Variants in CHD2 observed in about 807,000 individuals in gnomAD.
The protein encoded by CHD2 is chromodomain helicase DNA binding protein 2.
In CHD2, 28 loss-of-function variants were observed where a neutral mutation model predicts 243.9. That is an observed-to-expected ratio of 0.11 (90% confidence interval 0.09 to 0.16). The LOEUF (loss-of-function observed/expected upper bound fraction) is 0.16. CHD2 is among the 10% of genes least tolerant of loss of function. CHD2 has a pLI of 1.00. For synonymous variants in CHD2, 775 were observed against 779.0 expected (o/e 0.99, Z 0.09); for missense variants, 1,386 against 2,209.8 (o/e 0.63, Z 7.47).
chr15:93,020,608 C>T, intron 38 of CHD2: 3 of 459,750 alleles, frequency 6.5e-6, no homozygotes, highest in Non-Finnish European at 1.2e-5. Context: ...TACCAGCCCA[C>T]AGTCCTTACC....
At chr15:92,910,848 A>C (rs2052720049) in intron 2 of CHD2, among the ~76,000 whole-genome samples, 1 of 152,226 alleles carries the variant, frequency 6.6e-6, no homozygotes, top group Non-Finnish European at 1.5e-5. Flanking sequence ...GTATGTCGTT[A>C]GGTGATCTTG....
intron 12 of CHD2, chr15:92,946,469 G>A: frequency 3.4e-6 from 1 of 297,956 alleles, no homozygotes. Flanking sequence ...AAGGATTTAG[G>A]CACTTTTATT....
intron 28 of CHD2, among the ~76,000 whole-genome samples, chr15:92,994,270 G>A (rs1319732382): frequency 6.6e-6 from 1 of 152,190 alleles, no homozygotes; most frequent in Non-Finnish European, 1.5e-5. Flanking sequence ...AAAGGATTTG[G>A]ATAATTGAAT....
At chr15:92,918,837 A>G (rs1045423192) in intron 2 of CHD2, among the ~76,000 whole-genome samples, 2 of 151,484 alleles carry the variant, frequency 1.3e-5, no homozygotes, top group Non-Finnish European at 1.5e-5. Flanking sequence ...ATATATACAT[A>G]CACACATATA....
intron 5 of CHD2, among the ~76,000 whole-genome samples, chr15:92,932,806 G>T (rs1391359046): frequency 7.2e-6 from 1 of 138,116 alleles, no homozygotes; most frequent in African/African-American, 2.6e-5. Context: ...CGCCCAGGCT[G>T]GAGTACGATG....
intron 19 of CHD2, chr15:92,973,909 TGAGTA>T (rs1161002386): frequency 1.3e-5 from 2 of 152,206 alleles, no homozygotes; most frequent in African/African-American, 2.4e-5. Context: ...TTTAAGGCTC[TGAGTA>T]GAGTAGTCAG....
intron 38 of CHD2, among the ~76,000 whole-genome samples, chr15:93,023,679 G>GTTTT (rs150306581): frequency 7.0e-6 from 1 of 143,438 alleles, no homozygotes; most frequent in African/African-American, 2.5e-5. Flanking sequence ...TTTTTTTTTT[G>GTTTT]TGTTTTTTTT....
intron 2 of CHD2, chr15:92,904,463 C>G: frequency 1.0e-6 from 1 of 989,356 alleles, no homozygotes; most frequent in Non-Finnish European, 1.2e-6. Flanking sequence ...GCTTTCTCCT[C>G]CCCCTACCCA....
At chr15:92,913,945 T>C (rs545508531) in intron 2 of CHD2, among the ~76,000 whole-genome samples, 3 of 152,338 alleles carry the variant, frequency 2.0e-5, no homozygotes, top group Admixed American at 6.5e-5. Flanking sequence ...CGGTTTCTTC[T>C]CTGGCCTGAT....
intron 2 of CHD2, among the ~76,000 whole-genome samples, chr15:92,909,976 A>G (rs1486551468): frequency 4.0e-5 from 6 of 150,066 alleles, no homozygotes; most frequent in African/African-American, 9.8e-5. Context: ...GTGTATGTAT[A>G]TATGTATATA....
chr15:92,989,423 T>G (rs2141857205), intron 26 of CHD2, among the ~76,000 whole-genome samples: 1 of 152,296 alleles, frequency 6.6e-6, no homozygotes, highest in African/African-American at 2.4e-5. Flanking sequence ...AGATCTCCCC[T>G]CCCAGCCATG....
At chr15:92,919,047 G>A (rs2052901011) in intron 2 of CHD2, among the ~76,000 whole-genome samples, 1 of 152,076 alleles carries the variant, frequency 6.6e-6, no homozygotes, top group Non-Finnish European at 1.5e-5. Flanking sequence ...GTACAGGCTG[G>A]GTTTCACCGT....
At position 92,971,931 on chromosome 15, in the gene CHD2, G is replaced by C. The variant is rs1173333743; in HGVS notation, c.2352+4G>C. 8 of 1,600,902 alleles carry C rather than the reference G, an allele frequency of 5.0e-6. No homozygotes were observed. Among genetic ancestry groups the C allele is most frequent in the African/African-American group, 1.4e-5 (1 of 73,920 alleles). ...AAATGGACAGGAGATTCTTCTGGTA[G>C]GTAGTTCCTCATAATTACTTTCTCA... On this transcript the variant is annotated splice_donor_region_variant and intron_variant, in intron 18 of 38. Coordinates refer to ENST00000394196, the MANE Select transcript of CHD2 (RefSeq NM_001271.4).
intron 35 of CHD2, among the ~76,000 whole-genome samples, chr15:93,010,462 A>G (rs11074125): frequency 0.37 from 55,194 of 147,800 alleles, 11,037 homozygotes; most frequent in East Asian, 0.82. Flanking sequence ...CTTTCACTCT[A>G]TCGCCCAGGC....
At chr15:92,973,681 C>G (rs10520717) in intron 19 of CHD2, among the ~76,000 whole-genome samples, 26,090 of 152,228 alleles carry the variant, frequency 0.17, 2,956 homozygotes, top group Non-Finnish European at 0.25. Context: ...AGTCACTTCT[C>G]TGTCAGTGAA....
At chr15:93,017,044 A>G (rs1012482466) in intron 37 of CHD2, among the ~76,000 whole-genome samples, 6 of 152,202 alleles carry the variant, frequency 3.9e-5, no homozygotes, top group Non-Finnish European at 7.3e-5. Context: ...CAGATCATCA[A>G]AAATTAAAAA....
chr15:92,965,307 A>G (rs1317480339), intron 16 of CHD2: 2 of 152,170 alleles, frequency 1.3e-5, no homozygotes, highest in Admixed American at 1.3e-4. Flanking sequence ...CTGTAATCCC[A>G]GCACTTTGGG....
chr15:92,953,243 T>C, intron 13 of CHD2, 114 bp from the exon 14 acceptor site: 1 of 755,908 alleles, frequency 1.3e-6, no homozygotes, highest in Admixed American at 2.5e-5. Flanking sequence ...GGCTTATGAA[T>C]GACACCTTGC....
intron 20 of CHD2, among the ~76,000 whole-genome samples, chr15:92,976,848 A>G (rs976875394): frequency 1.3e-5 from 2 of 151,540 alleles, no homozygotes; most frequent in African/African-American, 4.8e-5. Context: ...GCAGTGAGCC[A>G]GGATTGCCCC....
Sources: gnomAD v4.1 joint callset for allele counts (sites outside exome capture counted in the v4.1 genomes callset) on GRCh38, gnomAD v4.1.1 for gene constraint, MANE v1.5 for transcripts, NCBI Gene and HGNC (gene_info 2026-07-23, HGNC 2026-07-21) for gene names.